ST6GAL1: variants seen among roughly 807,000 people sequenced by gnomAD.
The protein encoded by ST6GAL1 is ST6 beta-galactoside alpha-2,6-sialyltransferase 1.
A neutral mutation model predicts 38.0 loss-of-function variants in ST6GAL1; 20 were observed. The ratio of observed to expected loss-of-function variants is 0.53; its 90% CI spans 0.37 to 0.77. The LOEUF (loss-of-function observed/expected upper bound fraction) is 0.77. Among genes scored for constraint, ST6GAL1 ranks in the 30% least tolerant of loss-of-function variants. The pLI is 0.00. For missense variants in ST6GAL1, 432 were observed against 496.4 expected, an observed-to-expected ratio of 0.87 and a Z score of 1.23; for synonymous variants, 196 against 188.2, an observed-to-expected ratio of 1.04 and a Z score of -0.34.
chr3:187,053,734 A>G (rs1212911010), intron 5 of ST6GAL1, among the ~76,000 whole-genome samples: 1 of 152,178 alleles, frequency 6.6e-6, no homozygotes, highest in Non-Finnish European at 1.5e-5. Flanking sequence ...AAGTAGCATG[A>G]TGCCTCCAGC....
chr3:186,940,214 C>G (rs1313260430), intron 1 of ST6GAL1, among the ~76,000 whole-genome samples: 1 of 152,176 alleles, frequency 6.6e-6, no homozygotes, highest in Non-Finnish European at 1.5e-5. Context: ...GCAGCCCCTT[C>G]CAGCTCTGAG....
At chr3:187,020,028 G>C (rs2108563863) in intron 2 of ST6GAL1, among the ~76,000 whole-genome samples, 1 of 152,334 alleles carries the variant, frequency 6.6e-6, no homozygotes, top group Admixed American at 6.5e-5. Flanking sequence ...GCCGGGCATG[G>C]TGGCTTATGC....
chr3:187,042,406 G>A (rs927459610), intron 3 of ST6GAL1, among the ~76,000 whole-genome samples: 2 of 152,098 alleles, frequency 1.3e-5, no homozygotes, highest in Non-Finnish European at 2.9e-5. Flanking sequence ...AAGTGTTCAT[G>A]GCTCAAGAGG....
At chr3:187,001,165 G>A (rs957135121) in intron 2 of ST6GAL1, among the ~76,000 whole-genome samples, 15 of 152,178 alleles carry the variant, frequency 9.9e-5, no homozygotes, top group Non-Finnish European at 1.8e-4. Flanking sequence ...GCACAGAAGC[G>A]AGGTAGAACT....
intron 4 of ST6GAL1, among the ~76,000 whole-genome samples, chr3:187,050,281 A>G (rs1323345705): frequency 2.7e-5 from 4 of 150,352 alleles, no homozygotes; most frequent in African/African-American, 4.9e-5. Flanking sequence ...TGAGCCCCAA[A>G]CTTGCTTGAC....
chr3:187,027,419 A>T (rs1287209639), intron 2 of ST6GAL1, among the ~76,000 whole-genome samples: 2 of 152,232 alleles, frequency 1.3e-5, no homozygotes, highest in East Asian at 1.9e-4. Flanking sequence ...AACCTCCCAG[A>T]CTACTTGAAT....
chr3:186,980,782 AAG>A (rs1715673394), intron 2 of ST6GAL1, among the ~76,000 whole-genome samples: 1 of 149,436 alleles, frequency 6.7e-6, no homozygotes, highest in South Asian at 2.1e-4. Flanking sequence ...AAAAAAAAAA[AAG>A]ATAGAAGTCA....
At chr3:186,934,820 G>A (rs1468590105) in intron 1 of ST6GAL1, among the ~76,000 whole-genome samples, 2 of 151,706 alleles carry the variant, frequency 1.3e-5, no homozygotes, top group African/African-American at 4.8e-5. Context: ...AGGCTGGAGT[G>A]CAGTGGTGCA....
chr3:187,006,526 T>C (rs745387119), intron 2 of ST6GAL1: 1 of 152,248 alleles, frequency 6.6e-6, no homozygotes, highest in Non-Finnish European at 1.5e-5. Context: ...AGATTCATAG[T>C]AATCACCTAC....
At position 186,945,238 on chromosome 3, in the gene ST6GAL1, C is replaced by T. The variant is rs149824200; in HGVS notation, c.-325+14404C>T. On this transcript the variant is annotated intron_variant, in intron 1 of 7. Coordinates refer to ENST00000169298, the MANE Select transcript of ST6GAL1 (RefSeq NM_173216.2). ...TGGGAGGATCCCTTGCCCAGGAGCT[C>T]GGGGCTGCAGTGAGCTATGATTGTG... Among the ~76,000 whole-genome samples the T allele has an allele frequency of 4.0e-3, 608 of 151,094 alleles. 1 individual carries two copies. The highest frequency in any genetic ancestry group is 0.014 in the Middle Eastern group (4 of 292).
rs68068581 is a variant in ST6GAL1, at chr3:187,024,474, G to GTATATATA, written c.-182-14255_-182-14248dup. Among the ~76,000 whole-genome samples the GTATATATA allele has an allele frequency of 1.1e-4, 15 of 135,258 alleles. No homozygotes were observed. The South Asian group carries it at 2.2e-3, about 20-fold the overall frequency. 88.7% of individuals were successfully genotyped at this position (135,258 alleles called of 152,430 possible). A position where few individuals can be genotyped will look rare whatever the true frequency, so the allele number is the denominator to read the frequency against. Reference sequence around the variant, plus strand: ...CACACATATATACACATATATATGTGTATATATATATATATATATAGAGAG... The same window carrying GTATATATA: ...CACACATATATACACATATATATGTGTATATATATATATATATATATATATATAGAGAG... On this transcript the variant is annotated intron_variant, in intron 2 of 7. Coordinates refer to ENST00000169298, the MANE Select transcript of ST6GAL1 (RefSeq NM_173216.2).
chr3:187,064,681 C>T, intron 5 of ST6GAL1: 1 of 453,772 alleles, frequency 2.2e-6, no homozygotes. Flanking sequence ...TCCTTTCGTA[C>T]TCGAGTCCTG....
chr3:187,068,051 G>A lies in ST6GAL1; in HGVS notation c.706-4798G>A, dbSNP rs561561842. On this transcript the variant is annotated intron_variant, in intron 5 of 7. Transcript: ENST00000169298. ...GCATTATAGCACATAGGTTAGAAGT[G>A]TGGTCTCTGGGCCGGGTGTGGTGGC... is the stretch of plus-strand genomic sequence containing the variant. Among the ~76,000 whole-genome samples the A allele has an allele frequency of 1.9e-4, 29 of 152,300 alleles. No homozygotes were observed. The South Asian group carries it at 5.0e-3, about 26-fold the overall frequency.
At chr3:187,033,286 C>A (rs772400935) in intron 2 of ST6GAL1, among the ~76,000 whole-genome samples, 5 of 152,060 alleles carry the variant, frequency 3.3e-5, no homozygotes, top group Non-Finnish European at 5.9e-5. Context: ...GTGGCCGGTG[C>A]CTATATTACC....
intron 4 of ST6GAL1, among the ~76,000 whole-genome samples, chr3:187,047,527 A>G (rs1718341500): frequency 1.3e-5 from 2 of 152,294 alleles, no homozygotes; most frequent in Admixed American, 1.3e-4. Flanking sequence ...TAATCTGAAT[A>G]CAGTGATGCA....
At chr3:187,024,486 A>C (rs1717451218) in intron 2 of ST6GAL1, among the ~76,000 whole-genome samples, 1 of 64,930 alleles carries the variant, frequency 1.5e-5, no homozygotes, top group African/African-American at 6.0e-5. Context: ...ATATATATAT[A>C]TATATATAGA....
At chr3:186,942,130 G>A (rs1360670808) in intron 1 of ST6GAL1, among the ~76,000 whole-genome samples, 1 of 152,210 alleles carries the variant, frequency 6.6e-6, no homozygotes, top group African/African-American at 2.4e-5. Context: ...TGTGACTATG[G>A]GGCAAGAAGC....
At chr3:187,013,900 G>A (rs899446244) in intron 2 of ST6GAL1, among the ~76,000 whole-genome samples, 2 of 152,264 alleles carry the variant, frequency 1.3e-5, no homozygotes, top group African/African-American at 4.8e-5. Flanking sequence ...TACTGGTTTT[G>A]TTGAGATGAA....
At position 186,961,160 on chromosome 3, in the gene ST6GAL1, G is replaced by T. The variant is rs965128885; in HGVS notation, c.-324-2625G>T. 2.0e-5 allele frequency among the ~76,000 whole-genome samples: 3 copies of T among 152,140 alleles called. No homozygotes were observed. In the Middle Eastern group the frequency reaches 0.01, roughly 517 times the overall value. Reference sequence around the variant, plus strand: ...CTGGCTAATTTTTGTGTTTTTAGTAGAGACAGGGTTTCACCATGTTGACCA... The same window carrying T: ...CTGGCTAATTTTTGTGTTTTTAGTATAGACAGGGTTTCACCATGTTGACCA... On this transcript the variant is annotated intron_variant, in intron 1 of 7. Coordinates refer to ENST00000169298, the MANE Select transcript of ST6GAL1 (RefSeq NM_173216.2).
Sources: allele counts gnomAD v4.1 joint callset (sites outside exome capture counted in the v4.1 genomes callset), GRCh38; gene constraint gnomAD v4.1.1; transcripts MANE v1.5; gene names NCBI Gene and HGNC (gene_info 2026-07-23, HGNC 2026-07-21).